Variants in THNSL1 observed in about 807,000 individuals in gnomAD.
THNSL1 encodes threonine synthase like 1.
Under a neutral mutation model 50.4 loss-of-function variants are expected in THNSL1, and 48 were observed. That is an observed-to-expected ratio of 0.95 (90% CI 0.76 to 1.21). The LOEUF is 1.21. Among genes scored for constraint, THNSL1 ranks in the 50% most tolerant of loss-of-function variants. The pLI, the probability that THNSL1 is intolerant of heterozygous loss-of-function variation, is 0.00. For missense variants in THNSL1, 896 were observed against 871.7 expected, an observed-to-expected ratio of 1.03 and a Z score of -0.35; for synonymous variants, 309 against 306.1, an observed-to-expected ratio of 1.01 and a Z score of -0.10.
At chr10:24,959,185 G>C in the THNSL1 span, among the ~76,000 whole-genome samples, 1 of 152,214 alleles carries the variant, frequency 6.6e-6, no homozygotes, top group Non-Finnish European at 1.5e-5. Context: ...ACAAAAAAAG[G>C]GGGGCCTCCT....
chr10:25,019,436 T>A (rs919488199), intron 1 of THNSL1, among the ~76,000 whole-genome samples: 6 of 152,182 alleles, frequency 3.9e-5, no homozygotes, highest in African/African-American at 1.2e-4. Context: ...ATTGTGCCAC[T>A]GCACTCCTGC....
the THNSL1 span, among the ~76,000 whole-genome samples, chr10:24,971,765 TCA>T: frequency 1.3e-5 from 2 of 152,222 alleles, no homozygotes; most frequent in Admixed American, 6.5e-5. Context: ...CAATGGTGTT[TCA>T]CAGTCACTAT....
the THNSL1 span, among the ~76,000 whole-genome samples, chr10:25,001,315 CT>C: frequency 2.0e-5 from 3 of 151,136 alleles, no homozygotes; most frequent in South Asian, 2.1e-4. Flanking sequence ...CTGTTTTAAA[CT>C]TTTTTTCTCT....
chr10:24,988,400 ATG>A, the THNSL1 span, among the ~76,000 whole-genome samples: 476 of 145,606 alleles, frequency 3.3e-3, 5 homozygotes, highest in African/African-American at 0.011. Context: ...ATATTTATAT[ATG>A]TGTATATATA....
At chr10:24,990,829 C>T in the THNSL1 span, among the ~76,000 whole-genome samples, 1 of 152,136 alleles carries the variant, frequency 6.6e-6, no homozygotes, top group Non-Finnish European at 1.5e-5. Flanking sequence ...CATAGTGGCT[C>T]ACACCTGTAA....
chr10:24,962,708 T>G, the THNSL1 span, among the ~76,000 whole-genome samples: 1 of 152,234 alleles, frequency 6.6e-6, no homozygotes, highest in Non-Finnish European at 1.5e-5. Context: ...ATTCGGTTAC[T>G]GTGGTCAGTG....
the THNSL1 span, among the ~76,000 whole-genome samples, chr10:24,991,174 GC>G: frequency 2.6e-5 from 4 of 152,178 alleles, no homozygotes; most frequent in East Asian, 7.7e-4. Flanking sequence ...CCTGCTCCTG[GC>G]TGATACTTTA....
chr10:24,957,809 A>G, the THNSL1 span, among the ~76,000 whole-genome samples: 1 of 152,164 alleles, frequency 6.6e-6, no homozygotes, highest in Non-Finnish European at 1.5e-5. Context: ...ATGGTGAGAA[A>G]GAGGGGTCTA....
chr10:24,970,016 G>A, the THNSL1 span, among the ~76,000 whole-genome samples: 15 of 152,210 alleles, frequency 9.9e-5, no homozygotes, highest in African/African-American at 3.1e-4. Context: ...GAGCTGCAAG[G>A]GGCCAGCCCC....
chr10:24,967,186 G>A, the THNSL1 span, among the ~76,000 whole-genome samples: 14 of 151,938 alleles, frequency 9.2e-5, no homozygotes, highest in South Asian at 4.2e-4. Flanking sequence ...GTGTGTGTGC[G>A]TGTGTGTGTG....
upstream of THNSL1, among the ~76,000 whole-genome samples, chr10:25,013,512 TG>T (rs1339104173): frequency 6.6e-6 from 1 of 152,220 alleles, no homozygotes; most frequent in Non-Finnish European, 1.5e-5. Flanking sequence ...TTAGGCTGAA[TG>T]GATGAAAATA....
At chr10:24,988,444 T>G in the THNSL1 span, among the ~76,000 whole-genome samples, 1 of 146,146 alleles carries the variant, frequency 6.8e-6, no homozygotes, top group Admixed American at 6.9e-5. Context: ...TTTTTTATAT[T>G]GTACATATGT....
In THNSL1 at chr10:25,025,697, C is replaced by G; in HGVS notation, c.*242C>G. On this transcript the variant is annotated 3_prime_UTR_variant, in exon 3 of 3. Coordinates refer to ENST00000376356, the MANE Select transcript of THNSL1 (RefSeq NM_024838.5). ...CTTTGAGCTATCATACTTTTGCCTTCTGCTCATGAGGGGTGTATCAATTTC... is the reference window on the plus strand; with the variant it reads ...CTTTGAGCTATCATACTTTTGCCTTGTGCTCATGAGGGGTGTATCAATTTC... 2.2e-6 allele frequency: 1 copy of G among 464,944 alleles called. No homozygotes were observed. Among genetic ancestry groups the G allele is most frequent in the Non-Finnish European group, 3.9e-6 (1 of 254,078 alleles). The allele number at this position is 464,944 out of a possible 1,614,324, so 28.8% of individuals were successfully genotyped here.
In THNSL1 at chr10:25,025,596, G is replaced by A; in HGVS notation, c.*141G>A. On this transcript the variant is annotated 3_prime_UTR_variant, in exon 3 of 3. Coordinates refer to ENST00000376356, the MANE Select transcript of THNSL1 (RefSeq NM_024838.5). ...GGAATTTCAAAAGTCTGATCTCTAG[G>A]GCTGACATGAGAACTCCATGTCACC... The A allele has an allele frequency of 1.2e-6, 1 of 818,390 alleles. No individual in the cohort carries two copies. Among genetic ancestry groups the A allele is most frequent in the South Asian group, 1.9e-5 (1 of 51,960 alleles). 50.7% of individuals were successfully genotyped at this position (818,390 alleles called of 1,614,324 possible).
At chr10:24,962,607 G>A in the THNSL1 span, among the ~76,000 whole-genome samples, 1 of 152,152 alleles carries the variant, frequency 6.6e-6, no homozygotes, top group African/African-American at 2.4e-5. Flanking sequence ...TAACATACAT[G>A]TTGAAAGATT....
At chr10:24,979,269 C>A in the THNSL1 span, among the ~76,000 whole-genome samples, 1 of 152,162 alleles carries the variant, frequency 6.6e-6, no homozygotes, top group Non-Finnish European at 1.5e-5. Flanking sequence ...CATAGTGGGT[C>A]CAATGCTAAT....
the THNSL1 span, among the ~76,000 whole-genome samples, chr10:24,953,885 C>G: frequency 6.6e-6 from 1 of 152,192 alleles, no homozygotes; most frequent in African/African-American, 2.4e-5. Flanking sequence ...AGGGCTGGCT[C>G]TTCATGTCGT....
the THNSL1 span, among the ~76,000 whole-genome samples, chr10:25,006,793 A>G: frequency 2.0e-5 from 3 of 152,190 alleles, no homozygotes; most frequent in African/African-American, 7.2e-5. Context: ...GAACTGTGCA[A>G]ACCAATTAAA....
chr10:24,990,734 A>G, the THNSL1 span: 1 of 930,848 alleles, frequency 1.1e-6, no homozygotes, highest in Non-Finnish European at 1.5e-6. Context: ...AAAACCCTGT[A>G]AATTGACAAA....
Sources: gnomAD v4.1 joint callset for allele counts (sites outside exome capture counted in the v4.1 genomes callset) on GRCh38, gnomAD v4.1.1 for gene constraint, MANE v1.5 for transcripts, NCBI Gene and HGNC (gene_info 2026-07-23, HGNC 2026-07-21) for gene names.